The following SIK3 variants were observed in gnomAD, a reference collection of about 807,000 sequenced individuals.
SIK3 encodes the protein serine/threonine-protein kinase SIK3.
A neutral mutation model predicts 144.2 loss-of-function variants in SIK3; 28 were observed. The observed-to-expected ratio is 0.19, with a 90% CI of 0.14 to 0.27. The LOEUF is 0.27. Ranked by LOEUF, SIK3 falls within the 10% of genes least tolerant of loss-of-function variation. The pLI is 1.00. For missense variants in SIK3, 1,319 were observed against 1,776.0 expected (o/e 0.74, Z 4.62); for synonymous variants, 686 against 676.3 (o/e 1.01, Z -0.22).
intron 13 of SIK3, among the ~76,000 whole-genome samples, chr11:116,871,388 G>A (rs1015265451): frequency 1.3e-5 from 2 of 152,272 alleles, no homozygotes; most frequent in Non-Finnish European, 2.9e-5. Flanking sequence ...GGAGTGAACA[G>A]GGTGAGGCAG....
intron 4 of SIK3, among the ~76,000 whole-genome samples, chr11:116,907,372 C>A (rs2134902182): frequency 6.6e-6 from 1 of 152,340 alleles, no homozygotes; most frequent in South Asian, 2.1e-4. Flanking sequence ...ATTTGCCAGG[C>A]ACAGTGGCTC....
intron 9 of SIK3, 83 bp downstream of exon 9, chr11:116,875,783 G>T: frequency 2.1e-6 from 3 of 1,460,194 alleles, no homozygotes; most frequent in South Asian, 1.4e-5. Flanking sequence ...AGAAACTCTC[G>T]ACTTAGGGTT....
At chr11:117,093,795 T>G in intron 1 of SIK3, among the ~76,000 whole-genome samples, 2 of 152,240 alleles carry the variant, frequency 1.3e-5, no homozygotes. Context: ...CCTGCAATAG[T>G]AGCAAACTTT....
At chr11:116,917,786 A>G (rs960896614) in intron 4 of SIK3, among the ~76,000 whole-genome samples, 1 of 143,742 alleles carries the variant, frequency 7.0e-6, no homozygotes, top group South Asian at 2.2e-4. Flanking sequence ...GAAAGAAAGA[A>G]AAGGAGAGGA....
intron 1 of SIK3, among the ~76,000 whole-genome samples, chr11:117,007,378 AAAAC>A (rs1009831538): frequency 4.6e-5 from 7 of 152,232 alleles, no homozygotes; most frequent in Non-Finnish European, 1.0e-4. Context: ...ACTCTGTCTC[AAAAC>A]AAACAAACAA....
chr11:117,096,800 T>A (rs951644943), intron 1 of SIK3, among the ~76,000 whole-genome samples: 2 of 152,030 alleles, frequency 1.3e-5, no homozygotes, highest in African/African-American at 4.8e-5. Context: ...AAGGCCTAGA[T>A]AAGTCACTGG....
chr11:116,956,539 C>A (rs942939867), intron 2 of SIK3, among the ~76,000 whole-genome samples: 2 of 152,098 alleles, frequency 1.3e-5, no homozygotes, highest in Admixed American at 1.3e-4. Flanking sequence ...AACTAGTATT[C>A]AAATAATGCT....
chr11:117,008,187 C>T (rs1951124731), intron 1 of SIK3, among the ~76,000 whole-genome samples: 1 of 140,320 alleles, frequency 7.1e-6, no homozygotes, highest in South Asian at 2.3e-4. Flanking sequence ...CATTCCAAAA[C>T]AAGTAGGCAA....
chr11:117,015,049 GC>G (rs1348270995), intron 1 of SIK3, among the ~76,000 whole-genome samples: 1 of 152,174 alleles, frequency 6.6e-6, no homozygotes, highest in Non-Finnish European at 1.5e-5. Flanking sequence ...GGGCAAAAGA[GC>G]AAGGCCCTGT....
In SIK3 at chr11:117,038,634, T is replaced by C. The variant is rs545281574; in HGVS notation, c.273+59509A>G. Among the ~76,000 whole-genome samples, 16 of 152,210 alleles carry C rather than the reference T, an allele frequency of 1.1e-4. No homozygotes were observed. The East Asian group carries it at 2.9e-3, about 28-fold the overall frequency. On this transcript the variant is annotated intron_variant, in intron 1 of 24. Transcript: ENST00000445177. ...TCTCAAAGTGTTGGGATTACAAGTG[T>C]GAGCCACCGCACCTGGCCGCTACAA...
chr11:117,065,197 G>A (rs1026980056), intron 1 of SIK3, among the ~76,000 whole-genome samples: 2 of 150,740 alleles, frequency 1.3e-5, no homozygotes, highest in African/African-American at 2.4e-5. Flanking sequence ...TAATAATTTC[G>A]TCTCTAGTGA....
chr11:116,948,778 T>G (rs140837451), intron 3 of SIK3, among the ~76,000 whole-genome samples: 92 of 152,236 alleles, frequency 6.0e-4, no homozygotes, highest in Non-Finnish European at 1.1e-3. Flanking sequence ...TAATTTCTGC[T>G]ATAATCTTTA....
intron 1 of SIK3, among the ~76,000 whole-genome samples, chr11:117,074,187 G>A (rs1294937607): frequency 6.6e-6 from 1 of 152,180 alleles, no homozygotes; most frequent in Non-Finnish European, 1.5e-5. Flanking sequence ...CTCTGCCAGT[G>A]CCTAAGTGCC....
intron 1 of SIK3, among the ~76,000 whole-genome samples, chr11:117,058,495 G>A (rs577072510): frequency 4.9e-4 from 74 of 149,574 alleles, no homozygotes; most frequent in African/African-American, 1.5e-3. Flanking sequence ...ACTCCAGCCC[G>A]GGCAACAGAG....
rs1941869874 is a variant in SIK3 at position 116,845,470 on chromosome 11, C to T, written c.*173G>A. 6.6e-6 allele frequency: 1 copy of T among 152,252 alleles called. No individual in the cohort carries two copies. The highest frequency in any genetic ancestry group is 2.1e-4 in the South Asian group (1 of 4,818). The allele number at this position is 152,252 out of a possible 1,614,324, so 9.4% of individuals were successfully genotyped here. ...GGTCATACAAGCAAACATGGCAAAA[C>T]CCTCTCAGAACCCAAAAGAACAGCA... On this transcript the variant is annotated 3_prime_UTR_variant, in exon 25 of 25. Coordinates refer to ENST00000445177, the MANE Select transcript of SIK3 (RefSeq NM_001366686.3).
intron 4 of SIK3, among the ~76,000 whole-genome samples, chr11:116,914,429 G>A (rs1946508919): frequency 6.6e-6 from 1 of 151,978 alleles, no homozygotes; most frequent in South Asian, 2.1e-4. Context: ...GGCTGGTCTC[G>A]AACTCCTGAC....
At chr11:116,847,810 G>T (rs368864575) in intron 22 of SIK3, among the ~76,000 whole-genome samples, 3 of 152,166 alleles carry the variant, frequency 2.0e-5, no homozygotes, top group Non-Finnish European at 1.5e-5. Flanking sequence ...CCAGTGGGGG[G>T]GCTGAGGGTG....
In SIK3 at chr11:116,849,131, C is replaced by T. The variant is rs533326357; in HGVS notation, c.3808G>A (p.Asp1270Asn). The T allele has an allele frequency of 1.9e-6, 3 of 1,597,502 alleles. No homozygotes were observed. The highest frequency in any genetic ancestry group is 1.3e-5 in the African/African-American group (1 of 74,756). Residue 1270 changes from aspartate (D) to asparagine (N), a missense_variant, in exon 22 of 25, where the codon GAC (aspartate) becomes AAC (asparagine). Transcript: ENST00000445177. The surrounding 1 kb of genome is among the most constrained non-coding windows in gnomAD (Gnocchi z 4.2). ...TGGGACCAACATACATAAGCATCGT[C>T]GCTGTTCTGGATCGTGTGGTGTCTC... is the stretch of plus-strand genomic sequence containing the variant. ...LQRHHTIQNSDDAYVQLDNLP... is the reference protein window; with the variant it reads ...LQRHHTIQNSNDAYVQLDNLP...
chr11:116,926,053 AC>A (rs1947257654), intron 4 of SIK3, among the ~76,000 whole-genome samples: 1 of 152,234 alleles, frequency 6.6e-6, no homozygotes, highest in South Asian at 2.1e-4. Flanking sequence ...CTGCAAAGGT[AC>A]CCTTAGGTAA....
Sources: gnomAD v4.1 joint callset for allele counts (sites outside exome capture counted in the v4.1 genomes callset) on GRCh38, gnomAD v4.1.1 for gene constraint, Gnocchi (gnomAD v3.1) non-coding constraint, MANE v1.5 for transcripts, NCBI Gene and HGNC (gene_info 2026-07-23, HGNC 2026-07-21) for gene names.